The following DAB1 variants were observed in gnomAD, a reference collection of about 807,000 sequenced individuals.
The protein encoded by DAB1 is disabled homolog 1.
In DAB1, 15 loss-of-function variants were observed where a neutral mutation model predicts 64.6. That is an observed-to-expected ratio of 0.23 (90% CI 0.16 to 0.36). The LOEUF is 0.36. Ranked by LOEUF, DAB1 falls within the 10% of genes least tolerant of loss-of-function variation. The pLI is 1.00. For synonymous variants in DAB1, 235 were observed against 251.9 expected (o/e 0.93, Z 0.64); for missense variants, 596 against 706.7 (o/e 0.84, Z 1.78).
chr1:57,058,530 C>G (rs1329474681), intron 9 of DAB1, among the ~76,000 whole-genome samples: 2 of 152,170 alleles, frequency 1.3e-5, no homozygotes, highest in Non-Finnish European at 2.9e-5. Flanking sequence ...GATTCCTGTC[C>G]TCAACGGACT....
chr1:57,755,639 C>T (rs1214202890), intron 6 of DAB1, among the ~76,000 whole-genome samples: 1 of 152,200 alleles, frequency 6.6e-6, no homozygotes, highest in Non-Finnish European at 1.5e-5. Context: ...GTGACATGTT[C>T]TCAGGTCTTA....
intron 4 of DAB1, among the ~76,000 whole-genome samples, chr1:57,098,335 T>C (rs1429510711): frequency 6.6e-6 from 1 of 152,164 alleles, no homozygotes; most frequent in Non-Finnish European, 1.5e-5. Context: ...TAATTCTAAT[T>C]TTACAAATAA....
intron 10 of DAB1, among the ~76,000 whole-genome samples, chr1:57,025,275 A>C (rs1646747935): frequency 6.6e-6 from 1 of 152,068 alleles, no homozygotes; most frequent in African/African-American, 2.4e-5. Flanking sequence ...CTTTGGTGTT[A>C]ATTCTGTTTT....
chr1:57,541,994 G>A (rs1170373887), intron 7 of DAB1, among the ~76,000 whole-genome samples: 1 of 152,174 alleles, frequency 6.6e-6, no homozygotes, highest in African/African-American at 2.4e-5. Context: ...GGGGGAGGGT[G>A]TGTGCAAGGC....
intron 5 of DAB1, among the ~76,000 whole-genome samples, chr1:58,077,636 AG>A (rs1299144940): frequency 6.6e-6 from 1 of 152,244 alleles, no homozygotes; most frequent in Non-Finnish European, 1.5e-5. Flanking sequence ...TTCTGACCTT[AG>A]CTCTCCAAAG....
At chr1:58,541,868 T>A (rs1646627174) in intron 1 of DAB1, among the ~76,000 whole-genome samples, 2 of 152,146 alleles carry the variant, frequency 1.3e-5, no homozygotes, top group African/African-American at 4.8e-5. Flanking sequence ...AAACAAAATA[T>A]CAGCAATCAT....
intron 6 of DAB1, among the ~76,000 whole-genome samples, chr1:57,654,528 T>C (rs866807546): frequency 6.6e-6 from 1 of 152,244 alleles, no homozygotes; most frequent in Non-Finnish European, 1.5e-5. Context: ...TAAATTTGTT[T>C]GCTTTCAATA....
At chr1:58,401,704 T>A (rs1438870005) in intron 3 of DAB1, among the ~76,000 whole-genome samples, 1 of 152,230 alleles carries the variant, frequency 6.6e-6, no homozygotes, top group African/African-American at 2.4e-5. Context: ...AATGAATGAA[T>A]AACTAGAACA....
intron 6 of DAB1, among the ~76,000 whole-genome samples, chr1:57,717,181 G>A (rs868224140): frequency 6.6e-6 from 1 of 151,856 alleles, no homozygotes; most frequent in Non-Finnish European, 1.5e-5. Flanking sequence ...CATATGTGGT[G>A]AGCCGAGACC....
chr1:57,058,037 C>T (rs1650011438), intron 9 of DAB1, among the ~76,000 whole-genome samples: 2 of 152,016 alleles, frequency 1.3e-5, no homozygotes, highest in African/African-American at 2.4e-5. Context: ...AAATCCAACC[C>T]TAGGTAGGAT....
chr1:57,423,258 AG>A (rs1685068086), intron 1 of DAB1, among the ~76,000 whole-genome samples: 3 of 72,612 alleles, frequency 4.1e-5, no homozygotes, highest in Non-Finnish European at 2.9e-5. Context: ...GCGTGGGGGG[AG>A]GGGGTGCTGG....
At chr1:57,672,081 T>TC (rs1646516507) in intron 6 of DAB1, among the ~76,000 whole-genome samples, 1 of 152,028 alleles carries the variant, frequency 6.6e-6, no homozygotes, top group South Asian at 2.1e-4. Context: ...TACTTTAACT[T>TC]CCCCATTTTA....
At chr1:58,518,229 A>AC in intron 2 of DAB1, among the ~76,000 whole-genome samples, 2 of 2,732 alleles carry the variant, frequency 7.3e-4, no homozygotes, top group African/African-American at 2.1e-3. Context: ...GAGAGGGGAG[A>AC]GGGGAGAGGG....
chr1:58,167,516 A>G (rs992831240), intron 4 of DAB1, among the ~76,000 whole-genome samples: 1 of 152,238 alleles, frequency 6.6e-6, no homozygotes, highest in Non-Finnish European at 1.5e-5. Context: ...AATCAGCAGG[A>G]TGTGGGCAGG....
intron 1 of DAB1, among the ~76,000 whole-genome samples, chr1:57,856,774 A>G (rs1653774868): frequency 1.3e-5 from 2 of 152,110 alleles, no homozygotes; most frequent in Admixed American, 6.5e-5. Context: ...AAAATAAATA[A>G]ATAAATAATA....
intron 4 of DAB1, among the ~76,000 whole-genome samples, chr1:58,229,219 T>C (rs1265668195): frequency 1.3e-5 from 2 of 152,176 alleles, no homozygotes; most frequent in African/African-American, 4.8e-5. Flanking sequence ...TTCTCCAGCC[T>C]TGGACTCCCA....
chr1:57,263,292 G>T (rs1670335759), intron 2 of DAB1, among the ~76,000 whole-genome samples: 3 of 151,764 alleles, frequency 2.0e-5, no homozygotes, highest in African/African-American at 7.3e-5. Flanking sequence ...AATTTTTTTT[G>T]TATTTTTAGT....
At chr1:57,222,941 A>G (rs1173309961) in intron 2 of DAB1, among the ~76,000 whole-genome samples, 1 of 152,186 alleles carries the variant, frequency 6.6e-6, no homozygotes, top group African/African-American at 2.4e-5. Context: ...TAACACACTG[A>G]ATCTGGAAAC....
intron 7 of DAB1, among the ~76,000 whole-genome samples, chr1:57,601,009 A>T (rs1645570103): frequency 6.6e-6 from 1 of 152,088 alleles, no homozygotes; most frequent in Non-Finnish European, 1.5e-5. Context: ...AATTAAAAAG[A>T]GAGTTTTTTT....
Sources: allele counts gnomAD v4.1 joint callset (sites outside exome capture counted in the v4.1 genomes callset), GRCh38; gene constraint gnomAD v4.1.1; transcripts MANE v1.5; gene names NCBI Gene and HGNC (gene_info 2026-07-23, HGNC 2026-07-21).